Variants in STK38 observed in about 807,000 individuals in gnomAD.
The protein encoded by STK38 is serine/threonine kinase 38.
STK38 carries 26 observed loss-of-function variants against 59.0 expected under a neutral mutation model. That is an observed-to-expected ratio of 0.44 (90% CI 0.32 to 0.61). STK38 has a LOEUF of 0.61. STK38 is among the 20% of genes least tolerant of loss of function. The probability of loss-of-function intolerance (pLI) is 0.04; values close to 1 mark genes in which losing one functional copy is unlikely to be tolerated. For synonymous variants in STK38, 175 were observed against 176.6 expected, an observed-to-expected ratio of 0.99 and a Z score of 0.07; for missense variants, 433 against 566.0, an observed-to-expected ratio of 0.76 and a Z score of 2.38.
At chr6:36,516,185 T>C (rs1424391785) in intron 6 of STK38, among the ~76,000 whole-genome samples, 2 of 152,230 alleles carry the variant, frequency 1.3e-5, no homozygotes, top group East Asian at 3.8e-4. Context: ...GTACCCTTTA[T>C]GTAACTTTTA....
intron 5 of STK38, among the ~76,000 whole-genome samples, chr6:36,520,381 G>A (rs781474242): frequency 4.6e-5 from 7 of 152,136 alleles, no homozygotes; most frequent in South Asian, 2.1e-4. Context: ...GAAACCATGC[G>A]GGGCACCTGG....
At chr6:36,536,579 G>A (rs187143209) in intron 2 of STK38, among the ~76,000 whole-genome samples, 4 of 151,966 alleles carry the variant, frequency 2.6e-5, no homozygotes, top group Admixed American at 2.6e-4. Context: ...CGTTGCCCAG[G>A]CTGGAGTTCA....
intron 1 of STK38, among the ~76,000 whole-genome samples, chr6:36,546,720 A>G (rs1778061187): frequency 2.6e-5 from 4 of 152,144 alleles, no homozygotes; most frequent in Admixed American, 2.6e-4. Context: ...CCAGTATCCT[A>G]AGACTAACGG....
intron 6 of STK38, among the ~76,000 whole-genome samples, chr6:36,516,421 A>C (rs939457727): frequency 1.3e-5 from 2 of 152,224 alleles, no homozygotes; most frequent in Non-Finnish European, 2.9e-5. Flanking sequence ...GTTAGAAAAC[A>C]AGGAAAAGAG....
intron 2 of STK38, among the ~76,000 whole-genome samples, chr6:36,532,588 C>T (rs1777692741): frequency 6.6e-6 from 1 of 151,982 alleles, no homozygotes. Context: ...CCAGCCTGGC[C>T]AACGTGGTGA....
chr6:36,500,332 T>C (rs540019238), intron 9 of STK38, among the ~76,000 whole-genome samples: 1 of 151,934 alleles, frequency 6.6e-6, no homozygotes, highest in Non-Finnish European at 1.5e-5. Context: ...TAACTTCATA[T>C]ACATGAGTCC....
intron 7 of STK38, among the ~76,000 whole-genome samples, chr6:36,511,093 G>A (rs1446377976): frequency 2.0e-5 from 3 of 152,160 alleles, no homozygotes; most frequent in Non-Finnish European, 4.4e-5. Context: ...AAGTGGTGTG[G>A]CCAAAATTTG....
intron 2 of STK38, among the ~76,000 whole-genome samples, chr6:36,526,771 G>A (rs542971947): frequency 6.6e-6 from 1 of 152,198 alleles, no homozygotes; most frequent in African/African-American, 2.4e-5. Context: ...GGCATACCCT[G>A]TAATCCCAGC....
intron 1 of STK38, among the ~76,000 whole-genome samples, chr6:36,544,685 A>G (rs1163146319): frequency 6.6e-6 from 1 of 152,148 alleles, no homozygotes; most frequent in East Asian, 1.9e-4. Flanking sequence ...CCTGTGCAAC[A>G]TGGCAAAACC....
intron 9 of STK38, among the ~76,000 whole-genome samples, chr6:36,504,158 C>T (rs1408062492): frequency 6.6e-6 from 1 of 152,164 alleles, no homozygotes; most frequent in Non-Finnish European, 1.5e-5. Context: ...AAATTCAACC[C>T]TAAAAAATTA....
intron 11 of STK38, 64 bp downstream of exon 11, chr6:36,498,299 T>TA (rs531831229): frequency 1.4e-5 from 22 of 1,568,898 alleles, no homozygotes; most frequent in Admixed American, 4.2e-5. Flanking sequence ...CAAAAGTTTT[T>TA]AAAAAAATGG....
At chr6:36,519,570 C>A (rs376441687) in intron 5 of STK38, among the ~76,000 whole-genome samples, 21 of 152,304 alleles carry the variant, frequency 1.4e-4, no homozygotes, top group African/African-American at 4.6e-4. Context: ...CATGAGCACA[C>A]CTTGCCTTTC....
At position 36,521,803 on chromosome 6, in the gene STK38, C is replaced by T. The variant is rs755258904; in HGVS notation, c.321G>A (p.Gln107=). The change falls in exon 5 of 14, where the codon CAG becomes CAA. Residue 107 remains glutamine (Q), a synonymous_variant. Coordinates refer to ENST00000229812, the MANE Select transcript of STK38 (RefSeq NM_007271.4). ...CATACACATGTCCCGTATCTTTCTT[C>T]TGAACAAGCCGTACCTAAAAAGTTA... is the stretch of plus-strand genomic sequence containing the variant. The part of the protein sequence containing the change: ...RGAFGEVRLV[Q]KKDTGHVYAM... The T allele has an allele frequency of 1.9e-6, 3 of 1,610,002 alleles. No homozygotes were observed. The South Asian group carries it at 3.3e-5, about 18-fold the overall frequency.
chr6:36,541,943 C>T (rs891140561), intron 1 of STK38, among the ~76,000 whole-genome samples: 1 of 151,154 alleles, frequency 6.6e-6, no homozygotes, highest in Admixed American at 6.6e-5. Flanking sequence ...ATTCTCGTGT[C>T]TCAGCCTCCC....
intron 5 of STK38, 62 bp from the exon 6 acceptor site, chr6:36,517,902 G>C: frequency 1.3e-6 from 2 of 1,570,324 alleles, no homozygotes; most frequent in Non-Finnish European, 1.7e-6. Context: ...TTGTATATTT[G>C]CTTAAACAAT....
At chr6:36,524,112 A>G (rs1777450452) in intron 4 of STK38, among the ~76,000 whole-genome samples, 1 of 152,208 alleles carries the variant, frequency 6.6e-6, no homozygotes, top group African/African-American at 2.4e-5. Context: ...CCCTAAGTCA[A>G]TATTTAAACA....
intron 1 of STK38, among the ~76,000 whole-genome samples, 156 bp downstream of exon 1, chr6:36,547,034 G>A (rs571979637): frequency 6.6e-6 from 1 of 152,322 alleles, no homozygotes; most frequent in Admixed American, 6.5e-5. Context: ...GGGTTAAGGA[G>A]AGGGGCGGAG....
intron 2 of STK38, among the ~76,000 whole-genome samples, chr6:36,527,909 C>G (rs1430266905): frequency 6.7e-6 from 1 of 149,682 alleles, no homozygotes; most frequent in African/African-American, 2.5e-5. Flanking sequence ...ACCATCCTGG[C>G]TAACACAGAG....
intron 6 of STK38, among the ~76,000 whole-genome samples, chr6:36,516,129 CTTT>C (rs1027159253): frequency 6.6e-5 from 10 of 152,096 alleles, no homozygotes; most frequent in Admixed American, 6.5e-4. Context: ...AAGGTCAGTG[CTTT>C]TTTTTCTCTA....
Sources: allele counts gnomAD v4.1 joint callset (sites outside exome capture counted in the v4.1 genomes callset), GRCh38; gene constraint gnomAD v4.1.1; transcripts MANE v1.5; gene names NCBI Gene and HGNC (gene_info 2026-07-23, HGNC 2026-07-21).